The following NEDD4 variants were observed in gnomAD, a reference collection of about 807,000 sequenced individuals.
NEDD4 encodes E3 ubiquitin-protein ligase NEDD4.
Under a neutral mutation model 144.9 loss-of-function variants are expected in NEDD4, and 99 were observed. The ratio of observed to expected loss-of-function variants is 0.68; its 90% confidence interval spans 0.58 to 0.81. The LOEUF (loss-of-function observed/expected upper bound fraction) is 0.81, where lower values mean the gene tolerates loss of function less well. NEDD4 is among the 30% of genes least tolerant of loss of function. The pLI, the probability that NEDD4 is intolerant of heterozygous loss-of-function variation, is 0.00. For missense variants in NEDD4, 985 were observed against 1,065.9 expected (o/e 0.92, Z 1.06); for synonymous variants, 318 against 350.6 (o/e 0.91, Z 1.04).
intron 11 of NEDD4, among the ~76,000 whole-genome samples, chr15:55,858,503 T>G (rs1313074297): frequency 6.6e-6 from 1 of 152,108 alleles, no homozygotes; most frequent in African/African-American, 2.4e-5. Context: ...TGACAAGGTT[T>G]CGCCATGTTG....
chr15:55,924,774 A>G, intron 4 of NEDD4, 75 bp from the exon 5 acceptor site: 1 of 1,457,550 alleles, frequency 6.9e-7, no homozygotes, highest in Non-Finnish European at 9.4e-7. Flanking sequence ...ATGCTTAAAG[A>G]TGCTGCCATT....
chr15:55,839,982 A>G (rs1454987465), intron 21 of NEDD4, among the ~76,000 whole-genome samples: 1 of 42,390 alleles, frequency 2.4e-5, no homozygotes, highest in Non-Finnish European at 4.4e-5. Context: ...TCAAAAAAAA[A>G]AAAAAAAAAA....
chr15:55,916,164 G>A (rs1449650774), intron 5 of NEDD4: 2 of 1,613,910 alleles, frequency 1.2e-6, no homozygotes, highest in Admixed American at 1.7e-5. Flanking sequence ...AATTTCACAA[G>A]GAGTAGTATT....
intron 4 of NEDD4, among the ~76,000 whole-genome samples, chr15:55,927,352 C>G (rs1246360320): frequency 6.6e-6 from 1 of 151,924 alleles, no homozygotes; most frequent in East Asian, 1.9e-4. Flanking sequence ...ACTCTGTCAC[C>G]CAGGCTGGAA....
chr15:55,969,538 G>A (rs370725074), intron 1 of NEDD4, among the ~76,000 whole-genome samples: 1 of 152,132 alleles, frequency 6.6e-6, no homozygotes, highest in Admixed American at 6.6e-5. Flanking sequence ...GGTAAGAGTA[G>A]AGGAGACTAT....
At chr15:55,851,673 C>T (rs758208348) in intron 13 of NEDD4, among the ~76,000 whole-genome samples, 2 of 151,910 alleles carry the variant, frequency 1.3e-5, no homozygotes, top group Non-Finnish European at 2.9e-5. Flanking sequence ...GATGGGGTTT[C>T]TCCATGTTGG....
chr15:55,986,169 C>T (rs2037887755), intron 1 of NEDD4, among the ~76,000 whole-genome samples: 1 of 152,168 alleles, frequency 6.6e-6, no homozygotes, highest in Non-Finnish European at 1.5e-5. Flanking sequence ...GCTCTTCTTA[C>T]ATAGAATGCC....
chr15:55,958,384 G>A (rs558672860), intron 2 of NEDD4, among the ~76,000 whole-genome samples: 8 of 152,112 alleles, frequency 5.3e-5, no homozygotes, highest in East Asian at 3.9e-4. Flanking sequence ...AATCCTAAGT[G>A]GTGATATATT....
intron 18 of NEDD4, among the ~76,000 whole-genome samples, chr15:55,846,607 G>A (rs1179429619): frequency 2.6e-5 from 4 of 152,088 alleles, no homozygotes; most frequent in Non-Finnish European, 4.4e-5. Flanking sequence ...AATCCAGACC[G>A]TCCTCCAACA....
intron 5 of NEDD4, chr15:55,915,327 T>C: frequency 6.2e-7 from 1 of 1,608,522 alleles, no homozygotes; most frequent in Non-Finnish European, 8.5e-7. Flanking sequence ...TCTGTTGCTG[T>C]CTCTTGATAA....
chr15:55,985,169 CAA>C (rs1391415421), intron 1 of NEDD4, among the ~76,000 whole-genome samples: 1 of 152,190 alleles, frequency 6.6e-6, no homozygotes, highest in Non-Finnish European at 1.5e-5. Context: ...TCTTCCAGCT[CAA>C]AGATTCTACT....
chr15:55,848,182 A>C (rs1273372473), intron 17 of NEDD4, among the ~76,000 whole-genome samples, 190 bp downstream of exon 17: 1 of 152,220 alleles, frequency 6.6e-6, no homozygotes, highest in Non-Finnish European at 1.5e-5. Flanking sequence ...GCTATTGCGT[A>C]GGGTAAGGAT....
chr15:55,960,413 T>C (rs1295702000), intron 2 of NEDD4, among the ~76,000 whole-genome samples: 1 of 152,196 alleles, frequency 6.6e-6, no homozygotes, highest in African/African-American at 2.4e-5. Context: ...CTTTCTCTCG[T>C]GCTGGATGCT....
At chr15:55,969,693 C>G (rs1430761103) in intron 1 of NEDD4, among the ~76,000 whole-genome samples, 5 of 152,064 alleles carry the variant, frequency 3.3e-5, no homozygotes, top group Non-Finnish European at 7.4e-5. Flanking sequence ...AGGAAAGGAC[C>G]CAGTCCTGCC....
intron 1 of NEDD4, among the ~76,000 whole-genome samples, chr15:55,990,260 G>A (rs574687503): frequency 1.7e-3 from 259 of 151,968 alleles, no homozygotes; most frequent in Non-Finnish European, 3.0e-3. Flanking sequence ...CCGCATCCCC[G>A]GTCCATGGAA....
At chr15:55,951,134 TA>T (rs1214130875) in intron 4 of NEDD4, among the ~76,000 whole-genome samples, 1 of 152,148 alleles carries the variant, frequency 6.6e-6, no homozygotes, top group African/African-American at 2.4e-5. Flanking sequence ...TCAACTGGAG[TA>T]AGACTACTGT....
intron 1 of NEDD4, among the ~76,000 whole-genome samples, chr15:55,981,734 T>C (rs554383637): frequency 2.0e-5 from 3 of 152,316 alleles, no homozygotes; most frequent in Non-Finnish European, 4.4e-5. Context: ...TTGTTACATA[T>C]GCAAATGTTG....
chr15:55,838,468 C>T (rs1272152894), intron 22 of NEDD4, 41 bp downstream of exon 22: 3 of 1,362,392 alleles, frequency 2.2e-6, no homozygotes, highest in Non-Finnish European at 2.1e-6. Context: ...ACATTTGTCT[C>T]ACAATTTATG....
chr15:55,916,733 C>A, intron 5 of NEDD4: 1 of 1,614,022 alleles, frequency 6.2e-7, no homozygotes, highest in Middle Eastern at 1.6e-4. Context: ...TTTTGAAGCA[C>A]ATGTGAACAT....
Sources: allele counts gnomAD v4.1 joint callset (sites outside exome capture counted in the v4.1 genomes callset), GRCh38; gene constraint gnomAD v4.1.1; transcripts MANE v1.5; gene names NCBI Gene and HGNC (gene_info 2026-07-23, HGNC 2026-07-21).